The following KAZN variants were observed in gnomAD, a reference collection of about 807,000 sequenced individuals.
KAZN encodes kazrin.
In KAZN, 40 loss-of-function variants were observed where a neutral mutation model predicts 87.4. The observed-to-expected ratio is 0.46, with a 90% CI of 0.36 to 0.60. KAZN has a LOEUF of 0.60. Ranked by LOEUF, KAZN falls within the 20% of genes least tolerant of loss-of-function variation. The probability of loss-of-function intolerance (pLI) is 0.00; values close to 1 mark genes in which losing one functional copy is unlikely to be tolerated. For synonymous variants in KAZN, 466 were observed against 458.3 expected (o/e 1.02, Z -0.22); for missense variants, 898 against 1,073.9 (o/e 0.84, Z 2.29).
At position 15,099,656 on chromosome 1, in the gene KAZN, A is replaced by G. The variant is rs1394192710; in HGVS notation, c.1548-1887A>G. Reference sequence around the variant, plus strand: ...GGGCCAGTGCAGGTGACCCTTGTGGACCATTCAAAGGACTTGCGATTTTAC... The same window carrying G: ...GGGCCAGTGCAGGTGACCCTTGTGGGCCATTCAAAGGACTTGCGATTTTAC... On this transcript the variant is annotated intron_variant, in intron 10 of 14. Coordinates refer to ENST00000376030, the MANE Select transcript of KAZN (RefSeq NM_201628.3). The surrounding 1 kb of genome is among the most constrained non-coding windows in gnomAD (Gnocchi z 5.4). 6.6e-6 allele frequency among the ~76,000 whole-genome samples: 1 copy of G among 152,148 alleles called. No homozygotes were observed. The highest frequency in any genetic ancestry group is 1.5e-5 in the Non-Finnish European group (1 of 68,030).
At chr1:14,154,781 C>G (rs187223133) in intron 1 of KAZN, among the ~76,000 whole-genome samples, 1 of 152,158 alleles carries the variant, frequency 6.6e-6, no homozygotes, top group Non-Finnish European at 1.5e-5. Flanking sequence ...ATTCTGGTGA[C>G]ATTATGCATC....
chr1:14,724,325 G>T (rs1019658980), intron 1 of KAZN, among the ~76,000 whole-genome samples: 5 of 152,186 alleles, frequency 3.3e-5, no homozygotes, highest in African/African-American at 1.2e-4. Flanking sequence ...CTTATTCTCT[G>T]CACAGTAACC....
At chr1:14,032,714 G>A (rs1216092435) in intron 1 of KAZN, among the ~76,000 whole-genome samples, 1 of 152,132 alleles carries the variant, frequency 6.6e-6, no homozygotes, top group African/African-American at 2.4e-5. Context: ...ATGCCTTCAA[G>A]GGTGTATTCT....
chr1:15,098,748 T>TAAGAAC (rs1640907788), intron 10 of KAZN, among the ~76,000 whole-genome samples: 2 of 152,210 alleles, frequency 1.3e-5, no homozygotes, highest in Admixed American at 6.5e-5. Context: ...GCCAGAAGTT[T>TAAGAAC]CCAGTTCAGG....
intron 1 of KAZN, among the ~76,000 whole-genome samples, chr1:14,855,125 G>A (rs1374095091): frequency 6.6e-6 from 1 of 152,152 alleles, no homozygotes; most frequent in African/African-American, 2.4e-5. Context: ...AGTCTAGGAA[G>A]CATGGCTGGG....
intron 2 of KAZN, among the ~76,000 whole-genome samples, chr1:14,236,342 G>C (rs755012601): frequency 6.6e-6 from 1 of 152,146 alleles, no homozygotes; most frequent in Non-Finnish European, 1.5e-5. Flanking sequence ...GGAGGGTTTC[G>C]CCCCTCTTCC....
At chr1:14,840,137 C>G (rs1647778454) in intron 1 of KAZN, among the ~76,000 whole-genome samples, 1 of 152,170 alleles carries the variant, frequency 6.6e-6, no homozygotes, top group Non-Finnish European at 1.5e-5. Context: ...CCACGAATCC[C>G]TTTTCATTCT....
chr1:13,981,645 G>A (rs957564164), intron 1 of KAZN, among the ~76,000 whole-genome samples: 3 of 152,214 alleles, frequency 2.0e-5, no homozygotes, highest in Non-Finnish European at 4.4e-5. Context: ...TCTGGTAAGA[G>A]GCAGAGTGAA....
chr1:15,038,463 G>A (rs72868369), intron 3 of KAZN, among the ~76,000 whole-genome samples: 3,073 of 152,262 alleles, frequency 0.02, 111 homozygotes, highest in African/African-American at 0.07. Flanking sequence ...GCATGAACAT[G>A]GTATTACTAA....
chr1:14,255,119 CA>C (rs71570191), intron 2 of KAZN, among the ~76,000 whole-genome samples: 9,367 of 83,700 alleles, frequency 0.11, 421 homozygotes, highest in East Asian at 0.31. Context: ...GACTCTGTCT[CA>C]AAAAAAAAAA....
At chr1:14,093,102 C>T (rs555894659) in intron 1 of KAZN, among the ~76,000 whole-genome samples, 81 of 152,310 alleles carry the variant, frequency 5.3e-4, no homozygotes, top group Middle Eastern at 6.8e-3. Context: ...GCTCCCATGG[C>T]GTGTGCCATC....
chr1:14,358,361 A>T (rs577145224), intron 2 of KAZN, among the ~76,000 whole-genome samples: 21 of 149,396 alleles, frequency 1.4e-4, no homozygotes, highest in African/African-American at 4.2e-4. Flanking sequence ...AAATCTTTTA[A>T]AAAAAAAAAC....
At chr1:15,001,254 G>A (rs945305632) in intron 2 of KAZN, among the ~76,000 whole-genome samples, 3 of 150,576 alleles carry the variant, frequency 2.0e-5, no homozygotes. Flanking sequence ...TTGAAGTCAG[G>A]AGTTTAAGAC....
chr1:14,470,762 T>G (rs1571729707), intron 2 of KAZN, among the ~76,000 whole-genome samples: 1 of 152,370 alleles, frequency 6.6e-6, no homozygotes, highest in East Asian at 1.9e-4. Context: ...CACCATATTC[T>G]GCTCTGTAGC....
intron 1 of KAZN, chr1:14,180,298 G>C (rs181944043): frequency 1.7e-4 from 115 of 664,062 alleles, no homozygotes; most frequent in African/African-American, 1.6e-3. Context: ...GGAATTTATA[G>C]ATGTGTCAAG....
chr1:14,547,951 A>G (rs1211874813), intron 2 of KAZN, among the ~76,000 whole-genome samples: 1 of 151,948 alleles, frequency 6.6e-6, no homozygotes, highest in African/African-American at 2.4e-5. Flanking sequence ...GTGGTGTCCA[A>G]TATTTTGGAT....
intron 2 of KAZN, among the ~76,000 whole-genome samples, chr1:14,478,899 A>C (rs187452286): frequency 5.6e-4 from 85 of 152,352 alleles, no homozygotes; most frequent in Middle Eastern, 3.4e-3. Flanking sequence ...GATCCAAGAA[A>C]ACAAGAGTAG....
At chr1:14,870,195 T>C (rs1651985020) in intron 1 of KAZN, among the ~76,000 whole-genome samples, 1 of 152,038 alleles carries the variant, frequency 6.6e-6, no homozygotes, top group African/African-American at 2.4e-5. Flanking sequence ...CTGGGAAAAA[T>C]CAGACCCTTC....
chr1:14,397,053 G>A (rs1662962437), intron 2 of KAZN, among the ~76,000 whole-genome samples: 1 of 152,100 alleles, frequency 6.6e-6, no homozygotes, highest in Non-Finnish European at 1.5e-5. Context: ...TTTTTCTAGA[G>A]GCTACAGTCA....
Sources: allele counts gnomAD v4.1 joint callset (sites outside exome capture counted in the v4.1 genomes callset), GRCh38; gene constraint gnomAD v4.1.1; non-coding constraint Gnocchi (gnomAD v3.1); transcripts MANE v1.5; gene names NCBI Gene and HGNC (gene_info 2026-07-23, HGNC 2026-07-21).